The following SMG7 variants were observed in gnomAD, a reference collection of about 807,000 sequenced individuals.
SMG7 encodes nonsense-mediated mRNA decay factor SMG7.
In SMG7, 34 loss-of-function variants were observed where a neutral mutation model predicts 148.2. The observed-to-expected ratio is 0.23, with a 90% CI of 0.17 to 0.31. SMG7 has a LOEUF of 0.31. Ranked by LOEUF, SMG7 falls within the 10% of genes least tolerant of loss-of-function variation. The pLI is 1.00. For synonymous variants in SMG7, 492 were observed against 515.1 expected (o/e 0.96, Z 0.61); for missense variants, 1,114 against 1,408.4 (o/e 0.79, Z 3.35).
intron 22 of SMG7, 39 bp from the exon 23 acceptor site, chr1:183,551,779 C>T: frequency 6.7e-7 from 1 of 1,498,022 alleles, no homozygotes; most frequent in Non-Finnish European, 9.1e-7. Context: ...GACAACTTGG[C>T]ATTTGACCTC....
intron 18 of SMG7, among the ~76,000 whole-genome samples, chr1:183,548,285 G>T (rs894059593): frequency 3.3e-5 from 5 of 152,180 alleles, no homozygotes; most frequent in African/African-American, 1.2e-4. Flanking sequence ...CCATGGCTGA[G>T]CGCACAGGGA....
At position 183,545,219 on chromosome 1, in the gene SMG7, G is replaced by T. The variant is rs765811173; in HGVS notation, c.2277G>T (p.Leu759=). 2 of 1,614,092 alleles carry T rather than the reference G, an allele frequency of 1.2e-6. No homozygotes were observed. The highest frequency in any genetic ancestry group is 2.2e-5 in the South Asian group (2 of 91,074). The change falls in exon 16 of 23, where the codon CTG becomes CTT. Residue 759 remains leucine (L), a synonymous_variant. Transcript: ENST00000688051. ...AQPTAQSTSQ[L]QVQALTQQQQ... ...CAACAGCACAGTCTACAAGCCAGCTGCAGGTTCAAGCTCTAACTCAGCAAC... is the reference window on the plus strand; with the variant it reads ...CAACAGCACAGTCTACAAGCCAGCTTCAGGTTCAAGCTCTAACTCAGCAAC...
rs1277456060 is a variant in SMG7, at chr1:183,536,919, G to GT, written c.1164-225dup. ...TTAGGAGCATGGGAAATGATCTACA[G>GT]TGGTAGTAGGTCTCTGTCATGGAAA... On this transcript the variant is annotated intron_variant, in intron 10 of 22. Coordinates refer to ENST00000688051, the MANE Select transcript of SMG7 (RefSeq NM_001375584.1). 1.1e-4 allele frequency among the ~76,000 whole-genome samples: 16 copies of GT among 152,250 alleles called. No individual in the cohort carries two copies. In the East Asian group the frequency reaches 3.1e-3, roughly 29 times the overall value.
At chr1:183,525,994 C>T (rs1199741799) in intron 4 of SMG7, among the ~76,000 whole-genome samples, 3 of 151,820 alleles carry the variant, frequency 2.0e-5, no homozygotes, top group African/African-American at 4.8e-5. Context: ...GTCTGAAAAT[C>T]GTGTCTGAAA....
At chr1:183,495,162 T>TA (rs1236578995) in intron 1 of SMG7, among the ~76,000 whole-genome samples, 1 of 151,996 alleles carries the variant, frequency 6.6e-6, no homozygotes, top group Non-Finnish European at 1.5e-5. Context: ...TATATATATA[T>TA]TTTTTTCTCT....
At chr1:183,529,141 C>A in intron 7 of SMG7, 99 bp downstream of exon 7, 1 of 1,150,682 alleles carries the variant, frequency 8.7e-7, no homozygotes, top group Non-Finnish European at 1.2e-6. Context: ...ACGGCCTATG[C>A]TTCTCTTATT....
intron 1 of SMG7, among the ~76,000 whole-genome samples, chr1:183,482,808 A>G (rs1654498666): frequency 6.6e-6 from 1 of 152,188 alleles, no homozygotes; most frequent in Admixed American, 6.6e-5. Context: ...GTCATCTCCC[A>G]TGGATAATGG....
At chr1:183,540,103 A>C (rs789172) in intron 12 of SMG7, among the ~76,000 whole-genome samples, 80,039 of 151,920 alleles carry the variant, frequency 0.53, 21,328 homozygotes, top group East Asian at 0.65. Context: ...TGAATAGCTC[A>C]CTATTTTTAT....
intron 1 of SMG7, among the ~76,000 whole-genome samples, chr1:183,474,502 T>G (rs1268529050): frequency 6.6e-6 from 1 of 152,172 alleles, no homozygotes; most frequent in African/African-American, 2.4e-5. Flanking sequence ...AGGCAGAGGT[T>G]GCAGTGAGCC....
intron 4 of SMG7, among the ~76,000 whole-genome samples, chr1:183,523,554 A>G (rs1260523536): frequency 1.3e-5 from 2 of 152,236 alleles, no homozygotes; most frequent in Non-Finnish European, 2.9e-5. Flanking sequence ...CTACAAAGTA[A>G]TGTACATCAG....
At chr1:183,506,952 C>T (rs1420444025) in intron 1 of SMG7, among the ~76,000 whole-genome samples, 3 of 143,708 alleles carry the variant, frequency 2.1e-5, no homozygotes, top group African/African-American at 5.1e-5. Context: ...GATCTTGGCT[C>T]GCTGCAACCT....
At chr1:183,500,783 A>G (rs1659548429) in intron 1 of SMG7, among the ~76,000 whole-genome samples, 1 of 152,190 alleles carries the variant, frequency 6.6e-6, no homozygotes, top group Non-Finnish European at 1.5e-5. Flanking sequence ...GAATAAGGAT[A>G]CTGAGGGGCA....
Position 183,521,622 on chromosome 1 carries a change from G to A in SMG7, c.312+3802G>A, listed in dbSNP as rs376321165. On this transcript the variant is annotated intron_variant, in intron 4 of 22. Coordinates refer to ENST00000688051, the MANE Select transcript of SMG7 (RefSeq NM_001375584.1). ...AGGCCAGGCATGGTGGCTCATTCCT[G>A]TAATCCTGACACTTTGGGAAGCTGA... Among the ~76,000 whole-genome samples the A allele has an allele frequency of 3.3e-5, 5 of 152,214 alleles. No individual in the cohort carries two copies. In the East Asian group the frequency reaches 7.7e-4, roughly 24 times the overall value.
In SMG7 at chr1:183,472,543, C is replaced by T; in HGVS notation, c.-78C>T. ...AGATGGCGGCGGCCGCCAGCACCCG[C>T]GGTGCCGCGGGGCCGCTCCGAGGAG... On this transcript the variant is annotated 5_prime_UTR_variant, in exon 1 of 23. Coordinates refer to ENST00000688051, the MANE Select transcript of SMG7 (RefSeq NM_001375584.1). 5 of 1,318,648 alleles carry T rather than the reference C, an allele frequency of 3.8e-6. No individual in the cohort carries two copies. Among genetic ancestry groups the T allele is most frequent in the South Asian group, 1.8e-5 (1 of 56,342 alleles). 81.7% of individuals were successfully genotyped at this position (1,318,648 alleles called of 1,614,324 possible). A position where few individuals can be genotyped will look rare whatever the true frequency, so the allele number is the denominator to read the frequency against.
intron 3 of SMG7, 74 bp downstream of exon 3, chr1:183,516,065 C>T (rs1426280514): frequency 1.3e-5 from 12 of 900,736 alleles, no homozygotes; most frequent in South Asian, 7.8e-5. Flanking sequence ...CAGTTTGGTT[C>T]GTTATTTATT....
rs1465355337 is a variant in SMG7 at position 183,472,574 on chromosome 1, G to A, written c.-47G>A. 2 of 1,400,896 alleles carry A rather than the reference G, an allele frequency of 1.4e-6. No individual in the cohort carries two copies. The highest frequency in any genetic ancestry group is 1.9e-6 in the Non-Finnish European group (2 of 1,068,132). The allele number at this position is 1,400,896 out of a possible 1,614,324, so 86.8% of individuals were successfully genotyped here. On this transcript the variant is annotated 5_prime_UTR_variant, in exon 1 of 23. Coordinates refer to ENST00000688051, the MANE Select transcript of SMG7 (RefSeq NM_001375584.1). ...CGCGGGGCCGCTCCGAGGAGCCTGA[G>A]AGACCCACGGAGGCTTCGCGGGAAG... is the stretch of plus-strand genomic sequence containing the variant.
intron 1 of SMG7, among the ~76,000 whole-genome samples, chr1:183,479,528 T>G (rs1441766090): frequency 2.0e-5 from 3 of 152,166 alleles, no homozygotes; most frequent in Non-Finnish European, 4.4e-5. Flanking sequence ...TTTTCTCCTC[T>G]AAGCCACAGA....
intron 1 of SMG7, chr1:183,502,286 G>T: frequency 6.5e-7 from 1 of 1,533,202 alleles, no homozygotes; most frequent in South Asian, 1.2e-5. Flanking sequence ...ATGAGAAATT[G>T]GATGTTCTTG....
intron 1 of SMG7, chr1:183,508,076 C>T: frequency 1.5e-6 from 1 of 676,892 alleles, no homozygotes; most frequent in Non-Finnish European, 1.8e-6. Flanking sequence ...ATACCCTCTA[C>T]CAAGAGAAAA....
Sources: allele counts gnomAD v4.1 joint callset (sites outside exome capture counted in the v4.1 genomes callset), GRCh38; gene constraint gnomAD v4.1.1; transcripts MANE v1.5; gene names NCBI Gene and HGNC (gene_info 2026-07-23, HGNC 2026-07-21).